The following LHFPL6 variants were observed in gnomAD, a reference collection of about 807,000 sequenced individuals.
LHFPL6 encodes the protein LHFPL tetraspan subfamily member 6.
LHFPL6 carries 9 observed loss-of-function variants against 20.6 expected under a neutral mutation model. The observed-to-expected ratio is 0.44, with a 90% CI of 0.26 to 0.76. The LOEUF is 0.76. LHFPL6 is among the 30% of genes least tolerant of loss of function. The pLI, the probability that LHFPL6 is intolerant of heterozygous loss-of-function variation, is 0.20. For missense variants in LHFPL6, 218 were observed against 253.5 expected (o/e 0.86, Z 0.95); for synonymous variants, 105 against 98.7 (o/e 1.06, Z -0.38).
In LHFPL6 at chr13:39,438,194, C is replaced by T. The variant is rs149374079; in HGVS notation, c.386-59668G>A. Among the ~76,000 whole-genome samples the T allele has an allele frequency of 1.9e-3, 291 of 152,286 alleles. 1 individual carries two copies. The highest frequency in any genetic ancestry group is 6.0e-3 in the African/African-American group (249 of 41,556). On this transcript the variant is annotated intron_variant, in intron 2 of 3. Transcript: ENST00000379589. ...ACTGCAGTAAAGGTCACTTTTGCTA[C>T]GCTTTAGCACAGCCTGGCTGCATTG...
rs1869352852 is a variant in LHFPL6, at chr13:39,503,140, C to A, written c.385+97692G>T. Among the ~76,000 whole-genome samples the A allele has an allele frequency of 2.0e-5, 3 of 152,198 alleles. No individual in the cohort carries two copies. In the South Asian group the frequency reaches 6.2e-4, roughly 31 times the overall value. Reference sequence around the variant, plus strand: ...GGGTGGTTCCAAGCTGCACTCAGAACAGCCAGAATGCTTACAGTGACTTAT... The same window carrying A: ...GGGTGGTTCCAAGCTGCACTCAGAAAAGCCAGAATGCTTACAGTGACTTAT... On this transcript the variant is annotated intron_variant, in intron 2 of 3. Coordinates refer to ENST00000379589, the MANE Select transcript of LHFPL6 (RefSeq NM_005780.3).
At chr13:39,371,427 A>G (rs1184048052) in intron 3 of LHFPL6, among the ~76,000 whole-genome samples, 2 of 152,260 alleles carry the variant, frequency 1.3e-5, no homozygotes, top group East Asian at 3.8e-4. Context: ...CGGAATGTAA[A>G]AGGAAGAATA....
At chr13:39,396,758 T>A (rs901687880) in intron 2 of LHFPL6, among the ~76,000 whole-genome samples, 1 of 152,136 alleles carries the variant, frequency 6.6e-6, no homozygotes, top group African/African-American at 2.4e-5. Context: ...ATCATGCCAC[T>A]GCACTTTAAC....
intron 2 of LHFPL6, among the ~76,000 whole-genome samples, chr13:39,590,660 G>T (rs1324888746): frequency 2.6e-5 from 4 of 152,166 alleles, no homozygotes; most frequent in African/African-American, 9.7e-5. Context: ...AGTGCAAATT[G>T]TATGCATCTC....
At chr13:39,431,349 ACAC>A (rs2138404995) in intron 2 of LHFPL6, among the ~76,000 whole-genome samples, 1 of 152,282 alleles carries the variant, frequency 6.6e-6, no homozygotes, top group South Asian at 2.1e-4. Context: ...AACTCCAGAC[ACAC>A]CATCTTTAAG....
At chr13:39,590,509 C>T (rs1872564458) in intron 2 of LHFPL6, among the ~76,000 whole-genome samples, 1 of 152,198 alleles carries the variant, frequency 6.6e-6, no homozygotes, top group African/African-American at 2.4e-5. Context: ...GCAACAAGAT[C>T]AATTCTTGTG....
At chr13:39,378,819 T>C (rs376158158) in intron 2 of LHFPL6, among the ~76,000 whole-genome samples, 11 of 152,342 alleles carry the variant, frequency 7.2e-5, no homozygotes, top group African/African-American at 2.4e-4. Context: ...TTTTAAATCA[T>C]TCTTGCAAAA....
rs561635533 is a variant in LHFPL6, at chr13:39,543,606, G to A, written c.385+57226C>T. ...TCCCTGCATAAGACTAATGGATCTGGCCCCCCGCAGACAAAAATTTTTACC... is the reference window on the plus strand; with the variant it reads ...TCCCTGCATAAGACTAATGGATCTGACCCCCCGCAGACAAAAATTTTTACC... On this transcript the variant is annotated intron_variant, in intron 2 of 3. Transcript: ENST00000379589. Among the ~76,000 whole-genome samples, 23 of 148,460 alleles carry A rather than the reference G, an allele frequency of 1.5e-4. No homozygotes were observed. In the East Asian group the frequency reaches 3.8e-3, roughly 24 times the overall value.
intron 2 of LHFPL6, among the ~76,000 whole-genome samples, chr13:39,419,092 A>G (rs1292739363): frequency 2.0e-5 from 3 of 152,212 alleles, no homozygotes; most frequent in African/African-American, 7.2e-5. Flanking sequence ...GAATCAGTCT[A>G]CATTTCAAAT....
intron 2 of LHFPL6, among the ~76,000 whole-genome samples, chr13:39,493,126 C>T (rs1421109975): frequency 6.6e-6 from 1 of 151,704 alleles, no homozygotes; most frequent in Non-Finnish European, 1.5e-5. Flanking sequence ...TATTAAGAAA[C>T]TTAAAATACT....
intron 2 of LHFPL6, among the ~76,000 whole-genome samples, chr13:39,542,885 A>G (rs1870856208): frequency 1.3e-5 from 2 of 152,136 alleles, no homozygotes; most frequent in African/African-American, 2.4e-5. Flanking sequence ...TACCATTTAA[A>G]CCATTTTAAG....
intron 2 of LHFPL6, among the ~76,000 whole-genome samples, chr13:39,595,981 A>AATTAACAATT (rs1239391508): frequency 6.6e-6 from 1 of 152,196 alleles, no homozygotes; most frequent in Non-Finnish European, 1.5e-5. Context: ...CCTATCTTTC[A>AATTAACAATT]ATTAACAATT....
chr13:39,440,787 G>A (rs1220407824), intron 2 of LHFPL6, among the ~76,000 whole-genome samples: 6 of 152,114 alleles, frequency 3.9e-5, no homozygotes, highest in East Asian at 3.9e-4. Context: ...CAATTCCCAC[G>A]TGTCGTGGGA....
intron 2 of LHFPL6, among the ~76,000 whole-genome samples, chr13:39,425,513 ACT>A (rs906142960): frequency 6.6e-6 from 1 of 152,058 alleles, no homozygotes; most frequent in African/African-American, 2.4e-5. Context: ...GTTTATGAGA[ACT>A]CCAGTTCATC....
At chr13:39,496,148 C>G (rs1398085077) in intron 2 of LHFPL6, among the ~76,000 whole-genome samples, 1 of 152,148 alleles carries the variant, frequency 6.6e-6, no homozygotes, top group Non-Finnish European at 1.5e-5. Flanking sequence ...GACAAAATAC[C>G]ATACCCCGAG....
At chr13:39,587,106 G>A (rs978451515) in intron 2 of LHFPL6, among the ~76,000 whole-genome samples, 8 of 151,722 alleles carry the variant, frequency 5.3e-5, no homozygotes, top group African/African-American at 1.5e-4. Context: ...GCAGTGAGCC[G>A]AGATTGCATC....
In LHFPL6 at chr13:39,352,991, T is replaced by TAA. The variant is rs1566091754; in HGVS notation, c.485-8938_485-8937insTT. On this transcript the variant is annotated intron_variant, in intron 3 of 3. Transcript: ENST00000379589. ...CACACACATATATATATATATATAA[T>TAA]TTTTTTTTTTTTTTTGAGACAGAGT... Among the ~76,000 whole-genome samples the TAA allele has an allele frequency of 2.4e-3, 225 of 93,608 alleles. 8 individuals are homozygous for TAA. Among genetic ancestry groups the TAA allele is most frequent in the Middle Eastern group, 6.3e-3 (1 of 160 alleles). 61.4% of individuals were successfully genotyped at this position (93,608 alleles called of 152,430 possible).
chr13:39,469,204 T>C (rs573628527), intron 2 of LHFPL6, among the ~76,000 whole-genome samples: 1 of 152,260 alleles, frequency 6.6e-6, no homozygotes, highest in South Asian at 2.1e-4. Flanking sequence ...TCCCCACCTC[T>C]CTCGCACACG....
intron 2 of LHFPL6, among the ~76,000 whole-genome samples, chr13:39,392,918 T>A (rs1353358043): frequency 6.6e-6 from 1 of 152,160 alleles, no homozygotes; most frequent in Non-Finnish European, 1.5e-5. Context: ...AAAAATATTT[T>A]GAAAAAATTT....
Sources: allele counts gnomAD v4.1 joint callset (sites outside exome capture counted in the v4.1 genomes callset), GRCh38; gene constraint gnomAD v4.1.1; transcripts MANE v1.5; gene names NCBI Gene and HGNC (gene_info 2026-07-23, HGNC 2026-07-21).